Variants in NFIX observed in about 807,000 individuals in gnomAD.
NFIX encodes the protein nuclear factor I X, also known as nuclear factor 1 X-type.
NFIX carries 2 observed loss-of-function variants against 53.3 expected under a neutral mutation model. The observed-to-expected ratio is 0.04, with a 90% confidence interval of 0.02 to 0.12. The LOEUF (loss-of-function observed/expected upper bound fraction) is 0.12. Among genes scored for constraint, NFIX ranks in the 10% least tolerant of loss-of-function variants. The pLI is 1.00. For missense variants in NFIX, 310 were observed against 674.5 expected, an observed-to-expected ratio of 0.46 and a Z score of 5.99; for synonymous variants, 244 against 289.0, an observed-to-expected ratio of 0.84 and a Z score of 1.58.
rs905613335 is a variant in NFIX at position 13,006,808 on chromosome 19, G to A, written c.27+10944G>A. 1.3e-5 allele frequency among the ~76,000 whole-genome samples: 2 copies of A among 152,162 alleles called. No individual in the cohort carries two copies. The highest frequency in any genetic ancestry group is 4.8e-5 in the African/African-American group (2 of 41,448). On this transcript the variant is annotated intron_variant, in intron 1 of 10. Coordinates refer to ENST00000592199, the MANE Select transcript of NFIX (RefSeq NM_001365902.3). This position sits in a 1 kb window ranked among gnomAD's most constrained non-coding sequence, Gnocchi z 5.6. ...CTCTGGGCTGGGGCCCGGCGGGGTC[G>A]GCACTGCAGGCTGGCAACCACCGTG...
chr19:13,009,290 G>A lies in NFIX; in HGVS notation c.27+13426G>A, dbSNP rs1171330555. Among the ~76,000 whole-genome samples the A allele has an allele frequency of 6.6e-6, 1 of 152,026 alleles. No individual in the cohort carries two copies. Among genetic ancestry groups the A allele is most frequent in the Admixed American group, 6.5e-5 (1 of 15,280 alleles). The stretch of plus-strand genomic sequence containing the variant: ...AAAAATAACAGCTACCGACTCCAGA[G>A]CAATTATGCCTGGGCAGCGGGTGGG... On this transcript the variant is annotated intron_variant, in intron 1 of 10. Coordinates refer to ENST00000592199, the MANE Select transcript of NFIX (RefSeq NM_001365902.3). This position sits in a 1 kb window ranked among gnomAD's most constrained non-coding sequence, Gnocchi z 4.7.
chr19:13,023,363 G>A (rs1024231302), intron 1 of NFIX, among the ~76,000 whole-genome samples: 3 of 142,628 alleles, frequency 2.1e-5, no homozygotes, highest in Admixed American at 7.0e-5. Flanking sequence ...TCTTTTGCAC[G>A]CGTCTGCCAG....
In NFIX at chr19:13,078,489, C is replaced by T. The variant is rs868342866; in HGVS notation, c.956-124C>T. 8.1e-7 allele frequency: 1 copy of T among 1,242,134 alleles called. No homozygotes were observed. The highest frequency in any genetic ancestry group is 1.1e-6 in the Non-Finnish European group (1 of 893,512). 76.9% of individuals were successfully genotyped at this position (1,242,134 alleles called of 1,614,324 possible). On this transcript the variant is annotated intron_variant, in intron 6 of 10. Transcript: ENST00000592199. The surrounding 1 kb of genome is among the most constrained non-coding windows in gnomAD (Gnocchi z 4.7). ...GGGCAAGGAGCAGCAGGAGGGAGCACAGTGGAGGAAGGGGCAGTGGGGAGG... is the reference window on the plus strand; with the variant it reads ...GGGCAAGGAGCAGCAGGAGGGAGCATAGTGGAGGAAGGGGCAGTGGGGAGG...
Position 13,074,885 on chromosome 19 carries a change from C to T in NFIX, c.819-650C>T, listed in dbSNP as rs765442130. On this transcript the variant is annotated intron_variant, in intron 5 of 10. Coordinates refer to ENST00000592199, the MANE Select transcript of NFIX (RefSeq NM_001365902.3). ...GAGATTGAGACCATCCTGGCTAACA[C>T]GGTGAAACCCCATCTCTACTAAAAA... is the stretch of plus-strand genomic sequence containing the variant. 5.9e-5 allele frequency among the ~76,000 whole-genome samples: 9 copies of T among 151,462 alleles called. No homozygotes were observed. The South Asian group carries it at 6.3e-4, about 11-fold the overall frequency.
intron 2 of NFIX, among the ~76,000 whole-genome samples, chr19:13,054,495 A>G (rs1287687682): frequency 2.0e-5 from 3 of 152,076 alleles, no homozygotes; most frequent in Non-Finnish European, 4.4e-5. Context: ...AGGAGTCTCC[A>G]GAGTCTTGGG....
rs113861190 is a variant in NFIX, at chr19:13,024,113, C to CA, written c.28-891dup. On this transcript the variant is annotated intron_variant, in intron 1 of 10. Transcript: ENST00000592199. Reference sequence around the variant, plus strand: ...TTTAAACTTCAAACAAGCAAACAACCAAAAAAAAAAAAAAAAACCAAACAA... The same window carrying CA: ...TTTAAACTTCAAACAAGCAAACAACCAAAAAAAAAAAAAAAAAACCAAACAA... The CA allele has an allele frequency of 0.18, 70,848 of 402,570 alleles. 275 individuals are homozygous for CA. Among genetic ancestry groups the CA allele is most frequent in the South Asian group, 0.21 (7,317 of 35,236 alleles). 24.9% of individuals were successfully genotyped at this position (402,570 alleles called of 1,614,324 possible).
intron 1 of NFIX, among the ~76,000 whole-genome samples, chr19:12,999,234 C>T (rs930214326): frequency 2.0e-5 from 3 of 150,732 alleles, no homozygotes; most frequent in Admixed American, 6.6e-5. Flanking sequence ...AGTGCAGTGG[C>T]GTGATCTCGG....
chr19:13,071,615 A>G (rs1205525661), intron 2 of NFIX, among the ~76,000 whole-genome samples: 1 of 152,196 alleles, frequency 6.6e-6, no homozygotes, highest in African/African-American at 2.4e-5. Context: ...AAAAAGAACT[A>G]CTTTTTCTTG....
At chr19:13,029,423 A>T (rs2013624049) in intron 2 of NFIX, among the ~76,000 whole-genome samples, 1 of 152,184 alleles carries the variant, frequency 6.6e-6, no homozygotes, top group Non-Finnish European at 1.5e-5. Flanking sequence ...CAGGATCCAG[A>T]TGGGGTCAGT....
At chr19:13,000,240 T>A (rs1197916427) in intron 1 of NFIX, among the ~76,000 whole-genome samples, 1 of 152,174 alleles carries the variant, frequency 6.6e-6, no homozygotes, top group Non-Finnish European at 1.5e-5. Context: ...TGTCTATCTC[T>A]TGGGCTGTAC....
Position 13,088,835 on chromosome 19 carries a change from CTTTCT to C in NFIX, c.1402+718_1402+722del, listed in dbSNP as rs141583624. On this transcript the variant is annotated intron_variant, in intron 9 of 10. Coordinates refer to ENST00000592199, the MANE Select transcript of NFIX (RefSeq NM_001365902.3). This position sits in a 1 kb window ranked among gnomAD's most constrained non-coding sequence, Gnocchi z 5.9. Reference sequence around the variant, plus strand: ...TTACTTCATCTCTCTCTCTGTCTCTCTTTCTTTTCTTTTCTTTTCTTTTTTTTTCC... The same window carrying C: ...TTACTTCATCTCTCTCTCTGTCTCTCTTTCTTTTCTTTTCTTTTTTTTTCC... Among the ~76,000 whole-genome samples, 2,311 of 151,856 alleles carry C rather than the reference CTTTCT, an allele frequency of 0.015. 19 individuals are homozygous for C. The highest frequency in any genetic ancestry group is 0.025 in the South Asian group (120 of 4,802).
rs1008493218 is a variant in NFIX, at chr19:12,996,630, T to G, written c.27+766T>G. Reference sequence around the variant, plus strand: ...CAAACTTTCCTCGGCGCAAACTTTCTGGCCCCAGCGACCCGGGCTGCTGCG... The same window carrying G: ...CAAACTTTCCTCGGCGCAAACTTTCGGGCCCCAGCGACCCGGGCTGCTGCG... On this transcript the variant is annotated intron_variant, in intron 1 of 10. Transcript: ENST00000592199. The surrounding 1 kb of genome is among the most constrained non-coding windows in gnomAD (Gnocchi z 5.2). 1.3e-5 allele frequency among the ~76,000 whole-genome samples: 2 copies of G among 152,068 alleles called. No individual in the cohort carries two copies. Among genetic ancestry groups the G allele is most frequent in the African/African-American group, 4.8e-5 (2 of 41,434 alleles).
Position 13,081,146 on chromosome 19 carries a change from A to G in NFIX, c.1079-534A>G, listed in dbSNP as rs1247222299. The stretch of plus-strand genomic sequence containing the variant: ...AAAATCTCATCTCTAGAAAAAAAAA[A>G]AAGCAAAAATCTACCAGGCCTGGTG... On this transcript the variant is annotated intron_variant, in intron 7 of 10. Transcript: ENST00000592199. This position sits in a 1 kb window ranked among gnomAD's most constrained non-coding sequence, Gnocchi z 4.7. Among the ~76,000 whole-genome samples the G allele has an allele frequency of 2.0e-5, 3 of 151,846 alleles. No homozygotes were observed. The highest frequency in any genetic ancestry group is 1.3e-4 in the Admixed American group (2 of 15,262).
In NFIX at chr19:13,066,085, A is replaced by G. The variant is rs999997940; in HGVS notation, c.560-6962A>G. 2.0e-5 allele frequency among the ~76,000 whole-genome samples: 3 copies of G among 152,096 alleles called. No homozygotes were observed. Among genetic ancestry groups the G allele is most frequent in the African/African-American group, 7.2e-5 (3 of 41,386 alleles). On this transcript the variant is annotated intron_variant, in intron 2 of 10. Coordinates refer to ENST00000592199, the MANE Select transcript of NFIX (RefSeq NM_001365902.3). This position sits in a 1 kb window ranked among gnomAD's most constrained non-coding sequence, Gnocchi z 4.2. ...TCACCTCGACACCGTGTGGGGCCTG[A>G]GGCTTTCAGATGAAGTGTGAGACTG...
chr19:13,077,313 G>T (rs1055031507), intron 6 of NFIX, among the ~76,000 whole-genome samples: 2 of 152,184 alleles, frequency 1.3e-5, no homozygotes, highest in African/African-American at 4.8e-5. Context: ...GTCCTGCCAC[G>T]CACGGCCCCT....
intron 8 of NFIX, among the ~76,000 whole-genome samples, chr19:13,083,877 C>T (rs560093424): frequency 6.6e-6 from 1 of 152,214 alleles, no homozygotes; most frequent in Non-Finnish European, 1.5e-5. Context: ...CGCCACTGAT[C>T]CAGTGGGTAG....
At chr19:13,010,136 A>G (rs1299247259) in intron 1 of NFIX, among the ~76,000 whole-genome samples, 1 of 152,024 alleles carries the variant, frequency 6.6e-6, no homozygotes, top group Non-Finnish European at 1.5e-5. Flanking sequence ...GGCTTCCCCC[A>G]TTGGAGTTGC....
rs1225890444 is a variant in NFIX, at chr19:13,014,548, C to T, written c.28-10473C>T. On this transcript the variant is annotated intron_variant, in intron 1 of 10. Coordinates refer to ENST00000592199, the MANE Select transcript of NFIX (RefSeq NM_001365902.3). The surrounding 1 kb of genome is among the most constrained non-coding windows in gnomAD (Gnocchi z 4.4). ...CAAGTATTTCTAGAGATCGCCTGCTCAGAGGGCTCAGATCCCTTGTCATAT... is the reference window on the plus strand; with the variant it reads ...CAAGTATTTCTAGAGATCGCCTGCTTAGAGGGCTCAGATCCCTTGTCATAT... 2 of 152,266 alleles carry T rather than the reference C, an allele frequency of 1.3e-5. No individual in the cohort carries two copies. The highest frequency in any genetic ancestry group is 2.9e-5 in the Non-Finnish European group (2 of 68,056). 9.4% of individuals were successfully genotyped at this position (152,266 alleles called of 1,614,324 possible).
rs1249960448 is a variant in NFIX at position 13,040,528 on chromosome 19, C to T, written c.559+14976C>T. ...TGCCTTTTGCTCTGAGGCTTTTCCT[C>T]GCCTCCCTCCCTCTCCTCAGGAGCC... On this transcript the variant is annotated intron_variant, in intron 2 of 10. Coordinates refer to ENST00000592199, the MANE Select transcript of NFIX (RefSeq NM_001365902.3). The surrounding 1 kb of genome is among the most constrained non-coding windows in gnomAD (Gnocchi z 4.2). 1.3e-5 allele frequency among the ~76,000 whole-genome samples: 2 copies of T among 152,162 alleles called. No homozygotes were observed. Among genetic ancestry groups the T allele is most frequent in the Non-Finnish European group, 1.5e-5 (1 of 68,024 alleles).
Sources: gnomAD v4.1 joint callset for allele counts (sites outside exome capture counted in the v4.1 genomes callset) on GRCh38, gnomAD v4.1.1 for gene constraint, Gnocchi (gnomAD v3.1) non-coding constraint, MANE v1.5 for transcripts, NCBI Gene and HGNC (gene_info 2026-07-23, HGNC 2026-07-21) for gene names.